CNTN1: variants seen among roughly 807,000 people sequenced by gnomAD.
The protein encoded by CNTN1 is contactin 1, also known as contactin-1.
Under a neutral mutation model 126.4 loss-of-function variants are expected in CNTN1, and 38 were observed. That is an observed-to-expected ratio of 0.30 (90% CI 0.23 to 0.39). CNTN1 has a LOEUF of 0.39. Ranked by LOEUF, CNTN1 falls within the 10% of genes least tolerant of loss-of-function variation. The probability of loss-of-function intolerance (pLI) is 1.00; values close to 1 mark genes in which losing one functional copy is unlikely to be tolerated. For synonymous variants in CNTN1, 413 were observed against 422.6 expected (o/e 0.98, Z 0.28); for missense variants, 1,009 against 1,248.4 (o/e 0.81, Z 2.89).
chr12:40,924,017 A>G (rs1945542990), intron 5 of CNTN1, among the ~76,000 whole-genome samples: 1 of 152,178 alleles, frequency 6.6e-6, no homozygotes, highest in African/African-American at 2.4e-5. Context: ...AAAAGAGTAA[A>G]GAAAATTAGA....
At chr12:41,043,114 C>A (rs927437015) in intron 23 of CNTN1, among the ~76,000 whole-genome samples, 36 of 152,148 alleles carry the variant, frequency 2.4e-4, no homozygotes, top group African/African-American at 8.0e-4. Flanking sequence ...TCTAAAACAC[C>A]AAAAGCAATG....
At chr12:40,720,301 C>T (rs1358612197) in intron 1 of CNTN1, among the ~76,000 whole-genome samples, 2 of 152,036 alleles carry the variant, frequency 1.3e-5, no homozygotes, top group Non-Finnish European at 2.9e-5. Flanking sequence ...TTGGTCTCTT[C>T]GGTTCTAGTT....
chr12:40,992,838 C>T (rs1481514627), intron 16 of CNTN1, among the ~76,000 whole-genome samples: 1 of 152,164 alleles, frequency 6.6e-6, no homozygotes, highest in Non-Finnish European at 1.5e-5. Context: ...TGGACTAGCA[C>T]CAAGCCTGGA....
intron 15 of CNTN1, among the ~76,000 whole-genome samples, chr12:40,968,702 AT>A (rs1354503654): frequency 6.6e-6 from 1 of 152,186 alleles, no homozygotes; most frequent in Non-Finnish European, 1.5e-5. Flanking sequence ...AAGGACTGTT[AT>A]TCCCATTTCA....
intron 1 of CNTN1, among the ~76,000 whole-genome samples, chr12:40,906,719 A>G (rs1189031659): frequency 8.6e-6 from 1 of 116,138 alleles, no homozygotes; most frequent in African/African-American, 3.2e-5. Flanking sequence ...CTTGTTGCCC[A>G]GGCTGGAGTG....
intron 1 of CNTN1, among the ~76,000 whole-genome samples, chr12:40,744,307 A>AT (rs1457036876): frequency 6.8e-6 from 1 of 146,612 alleles, no homozygotes; most frequent in Non-Finnish European, 1.5e-5. Context: ...AATTAAATAA[A>AT]AAAAAAATAA....
chr12:41,016,266 G>C (rs1260290498), intron 18 of CNTN1, among the ~76,000 whole-genome samples: 1 of 152,154 alleles, frequency 6.6e-6, no homozygotes, highest in Non-Finnish European at 1.5e-5. Context: ...GACTTTGTTA[G>C]GGTTAAAGAA....
At chr12:40,920,498 GAA>G (rs62731760) in intron 4 of CNTN1, among the ~76,000 whole-genome samples, 8 of 149,920 alleles carry the variant, frequency 5.3e-5, no homozygotes, top group African/African-American at 1.2e-4. Context: ...CATTTGACAG[GAA>G]AAAAAAAAGT....
At chr12:41,039,310 G>C (rs1012590711) in intron 23 of CNTN1, among the ~76,000 whole-genome samples, 1 of 152,140 alleles carries the variant, frequency 6.6e-6, no homozygotes, top group Non-Finnish European at 1.5e-5. Context: ...AGATAGCTTT[G>C]ACTAGTGTAC....
chr12:40,745,735 C>G (rs1938154720), intron 1 of CNTN1, among the ~76,000 whole-genome samples: 1 of 152,142 alleles, frequency 6.6e-6, no homozygotes, highest in Non-Finnish European at 1.5e-5. Context: ...ATTTTCCCCA[C>G]AGAAGACAAC....
At chr12:40,821,734 T>C (rs2136528408) in intron 1 of CNTN1, among the ~76,000 whole-genome samples, 1 of 152,228 alleles carries the variant, frequency 6.6e-6, no homozygotes, top group East Asian at 1.9e-4. Flanking sequence ...GATATTTATT[T>C]TTAATTTTTT....
chr12:40,847,963 A>G (rs1942576453), intron 1 of CNTN1, among the ~76,000 whole-genome samples: 1 of 152,204 alleles, frequency 6.6e-6, no homozygotes, highest in Admixed American at 6.5e-5. Flanking sequence ...AGTTCACAAT[A>G]GAGTTTGCGC....
intron 1 of CNTN1, among the ~76,000 whole-genome samples, chr12:40,801,009 AGTTTT>A (rs1940625595): frequency 9.7e-6 from 1 of 103,580 alleles, no homozygotes; most frequent in Admixed American, 9.2e-5. Context: ...GTCAAACTAG[AGTTTT>A]GTTTTTTTTT....
At chr12:40,913,810 A>G (rs1209271095) in intron 3 of CNTN1, among the ~76,000 whole-genome samples, 1 of 152,224 alleles carries the variant, frequency 6.6e-6, no homozygotes, top group Non-Finnish European at 1.5e-5. Flanking sequence ...CATTTACATT[A>G]GTAAATATGA....
rs929875200 is a variant in CNTN1 at position 40,836,737 on chromosome 12, G to C, written c.-76-71620G>C. Reference sequence around the variant, plus strand: ...TTGTTATAAAATAATGGTGTTGACTGTAAACTTCAGATGTTCAGACTAAAA... The same window carrying C: ...TTGTTATAAAATAATGGTGTTGACTCTAAACTTCAGATGTTCAGACTAAAA... On this transcript the variant is annotated intron_variant, in intron 1 of 23. Transcript: ENST00000551295. Among the ~76,000 whole-genome samples, 4 of 152,140 alleles carry C rather than the reference G, an allele frequency of 2.6e-5. No individual in the cohort carries two copies. In the East Asian group the frequency reaches 7.7e-4, roughly 29 times the overall value.
At chr12:40,729,768 C>A in intron 1 of CNTN1, 1 of 213,352 alleles carries the variant, frequency 4.7e-6, no homozygotes, top group Non-Finnish European at 1.0e-5. Context: ...CAGGATGAAT[C>A]CTAGCCAGAA....
chr12:40,902,490 A>AT (rs1480846733), intron 1 of CNTN1, among the ~76,000 whole-genome samples: 2 of 152,306 alleles, frequency 1.3e-5, no homozygotes, highest in African/African-American at 4.8e-5. Flanking sequence ...TAGGTTAAAT[A>AT]TTTTTTTAAA....
Position 41,071,230 on chromosome 12 carries a change from A to G in CNTN1, c.*1195A>G, listed in dbSNP as rs959541466. 2.6e-5 allele frequency: 4 copies of G among 152,132 alleles called. No individual in the cohort carries two copies. The East Asian group carries it at 7.7e-4, about 29-fold the overall frequency. 9.4% of individuals were successfully genotyped at this position (152,132 alleles called of 1,614,324 possible). A position where few individuals can be genotyped will look rare whatever the true frequency, so the allele number is the denominator to read the frequency against. ...GGAAGGCCAGGAGGAGGCAAATAATATGTCTTTCCGATGGTGTCTCCCAAG... is the reference window on the plus strand; with the variant it reads ...GGAAGGCCAGGAGGAGGCAAATAATGTGTCTTTCCGATGGTGTCTCCCAAG... On this transcript the variant is annotated 3_prime_UTR_variant, in exon 24 of 24. Coordinates refer to ENST00000551295, the MANE Select transcript of CNTN1 (RefSeq NM_001843.4).
At chr12:40,812,114 A>G (rs1268923643) in intron 1 of CNTN1, among the ~76,000 whole-genome samples, 23 of 149,598 alleles carry the variant, frequency 1.5e-4, no homozygotes, top group Non-Finnish European at 1.5e-5. Flanking sequence ...GTCTTAAGAT[A>G]TTTTCAAAGT....
Sources: gnomAD v4.1 joint callset for allele counts (sites outside exome capture counted in the v4.1 genomes callset) on GRCh38, gnomAD v4.1.1 for gene constraint, MANE v1.5 for transcripts, NCBI Gene and HGNC (gene_info 2026-07-23, HGNC 2026-07-21) for gene names.